CACNB2: variants seen among roughly 807,000 people sequenced by gnomAD.
CACNB2 encodes the protein voltage-dependent L-type calcium channel subunit beta-2.
A neutral mutation model predicts 73.3 loss-of-function variants in CACNB2; 42 were observed. The ratio of observed to expected loss-of-function variants is 0.57; its 90% CI spans 0.45 to 0.74. CACNB2 has a LOEUF of 0.74. Among genes scored for constraint, CACNB2 ranks in the 30% least tolerant of loss-of-function variants. The probability of loss-of-function intolerance (pLI) is 0.00; values close to 1 mark genes in which losing one functional copy is unlikely to be tolerated. For missense variants in CACNB2, 940 were observed against 853.0 expected (o/e 1.10, Z -1.27); for synonymous variants, 348 against 310.3 (o/e 1.12, Z -1.28).
At chr10:18,349,463 T>C (rs1180264939) in intron 2 of CACNB2, among the ~76,000 whole-genome samples, 2 of 152,184 alleles carry the variant, frequency 1.3e-5, no homozygotes, top group African/African-American at 4.8e-5. Context: ...TTGGTTTAAT[T>C]TCCACAACTG....
chr10:18,174,423 T>C (rs1170072614), intron 2 of CACNB2, among the ~76,000 whole-genome samples: 2 of 151,018 alleles, frequency 1.3e-5, no homozygotes, highest in Non-Finnish European at 3.0e-5. Context: ...TTTCCTTCTT[T>C]CTTGAGTTTT....
intron 2 of CACNB2, among the ~76,000 whole-genome samples, chr10:18,218,280 C>T (rs1334310189): frequency 1.3e-5 from 2 of 152,184 alleles, no homozygotes; most frequent in South Asian, 4.1e-4. Context: ...TTTGACAAAT[C>T]AATTCAATTA....
intron 2 of CACNB2, among the ~76,000 whole-genome samples, chr10:18,319,485 AT>A (rs1194323650): frequency 6.6e-6 from 1 of 152,018 alleles, no homozygotes; most frequent in Non-Finnish European, 1.5e-5. Flanking sequence ...ATTAGGACAA[AT>A]GCCTAATGCA....
At chr10:18,532,697 C>CAAA (rs1187679628) in intron 10 of CACNB2, among the ~76,000 whole-genome samples, 30 of 125,098 alleles carry the variant, frequency 2.4e-4, no homozygotes, top group Admixed American at 8.9e-4. Context: ...AAAAAAAAAA[C>CAAA]AAAACAAAAA....
chr10:18,518,121 G>A (rs1272136923), intron 7 of CACNB2, among the ~76,000 whole-genome samples: 5 of 152,150 alleles, frequency 3.3e-5, no homozygotes, highest in African/African-American at 9.7e-5. Context: ...CTTGAGATGA[G>A]CAAGAAGACT....
At chr10:18,226,947 C>T (rs777650197) in intron 2 of CACNB2, among the ~76,000 whole-genome samples, 31 of 152,014 alleles carry the variant, frequency 2.0e-4, no homozygotes, top group African/African-American at 6.8e-4. Context: ...GAGGAGGGAG[C>T]GAGGGTTATT....
chr10:18,430,246 G>A (rs1475489282), intron 3 of CACNB2, among the ~76,000 whole-genome samples: 3 of 152,046 alleles, frequency 2.0e-5, no homozygotes, highest in African/African-American at 7.2e-5. Flanking sequence ...ATATTGAGAC[G>A]CGTCTAAACA....
intron 2 of CACNB2, among the ~76,000 whole-genome samples, chr10:18,242,864 G>A (rs1174853748): frequency 1.3e-5 from 2 of 150,736 alleles, no homozygotes; most frequent in East Asian, 3.9e-4. Flanking sequence ...AAAAACATTA[G>A]CCGGGCATGG....
chr10:18,510,892 C>A (rs116894645), intron 6 of CACNB2, among the ~76,000 whole-genome samples: 2 of 152,184 alleles, frequency 1.3e-5, no homozygotes, highest in Admixed American at 6.5e-5. Flanking sequence ...GAATTCCTGA[C>A]GCAGATTTTG....
intron 2 of CACNB2, among the ~76,000 whole-genome samples, chr10:18,222,801 G>A (rs1026549305): frequency 6.6e-6 from 1 of 152,154 alleles, no homozygotes; most frequent in South Asian, 2.1e-4. Flanking sequence ...GTTGGGCGTG[G>A]TGGTGGACGC....
In CACNB2 at chr10:18,540,111, TTTAATACG is replaced by T. The variant is rs2053986990; in HGVS notation, c.*396_*403del. 1 of 197,322 alleles carries T rather than the reference TTTAATACG, an allele frequency of 5.1e-6. No homozygotes were observed. Among genetic ancestry groups the T allele is most frequent in the African/African-American group, 2.4e-5 (1 of 42,384 alleles). The allele number at this position is 197,322 out of a possible 1,614,324, so 12.2% of individuals were successfully genotyped here. The stretch of plus-strand genomic sequence containing the variant: ...GTGGAATTTCTTGTTTCTCCAGATT[TTTAATACG>T]TTAATACGCAGGCATCTGATTTGCA... On this transcript the variant is annotated 3_prime_UTR_variant, in exon 14 of 14. Coordinates refer to ENST00000324631, the MANE Select transcript of CACNB2 (RefSeq NM_201596.3).
At chr10:18,292,060 A>G (rs899124580) in intron 2 of CACNB2, among the ~76,000 whole-genome samples, 6 of 152,220 alleles carry the variant, frequency 3.9e-5, no homozygotes, top group African/African-American at 1.4e-4. Flanking sequence ...TTTAAAGTGC[A>G]TTCATACAAA....
rs565624643 is a variant in CACNB2 at position 18,429,120 on chromosome 10, T to C, written c.333+27077T>C. The stretch of plus-strand genomic sequence containing the variant: ...TGAGAAGATTTTTGACAATGAAGTC[T>C]CTTTATGTGTCTGAAGGAAACTTAT... On this transcript the variant is annotated intron_variant, in intron 3 of 13. Coordinates refer to ENST00000324631, the MANE Select transcript of CACNB2 (RefSeq NM_201596.3). 8.4e-4 allele frequency among the ~76,000 whole-genome samples: 128 copies of C among 152,354 alleles called. 2 individuals carry two copies. Among genetic ancestry groups the C allele is most frequent in the African/African-American group, 2.9e-3 (119 of 41,590 alleles).
chr10:18,310,120 C>A (rs2039899480), intron 2 of CACNB2, among the ~76,000 whole-genome samples: 1 of 151,758 alleles, frequency 6.6e-6, no homozygotes, highest in Non-Finnish European at 1.5e-5. Flanking sequence ...AACTTGCGTG[C>A]TACAGGTTTA....
chr10:18,286,351 C>T (rs910909836), intron 2 of CACNB2, among the ~76,000 whole-genome samples: 1 of 151,722 alleles, frequency 6.6e-6, no homozygotes, highest in Admixed American at 6.6e-5. Flanking sequence ...CCCGTCTCTA[C>T]TAAAAAAATA....
At chr10:18,253,058 G>T (rs1385548092) in intron 2 of CACNB2, among the ~76,000 whole-genome samples, 1 of 152,178 alleles carries the variant, frequency 6.6e-6, no homozygotes, top group Non-Finnish European at 1.5e-5. Context: ...CTCTGCCATT[G>T]CCTTGAGCAA....
chr10:18,429,787 T>A (rs1487563141), intron 3 of CACNB2, among the ~76,000 whole-genome samples: 2 of 87,312 alleles, frequency 2.3e-5, no homozygotes, highest in Admixed American at 3.3e-4. Context: ...TTGGGCAACA[T>A]AGCAAGACTC....
At chr10:18,261,431 C>A in intron 2 of CACNB2, 7 of 1,394,780 alleles carry the variant, frequency 5.0e-6, no homozygotes, top group Non-Finnish European at 7.0e-6. Context: ...ACCAACCAGA[C>A]AGTCGATCAT....
intron 2 of CACNB2, among the ~76,000 whole-genome samples, chr10:18,171,325 T>C (rs1346584219): frequency 6.6e-6 from 1 of 152,074 alleles, no homozygotes; most frequent in Non-Finnish European, 1.5e-5. Context: ...CAAAGTTGCA[T>C]AGGCAACAAG....
Sources: gnomAD v4.1 joint callset for allele counts (sites outside exome capture counted in the v4.1 genomes callset) on GRCh38, gnomAD v4.1.1 for gene constraint, MANE v1.5 for transcripts, NCBI Gene and HGNC (gene_info 2026-07-23, HGNC 2026-07-21) for gene names.